Variants in DHX38 observed in about 807,000 individuals in gnomAD.
The protein encoded by DHX38 is pre-mRNA-splicing factor ATP-dependent RNA helicase PRP16.
In DHX38, 100 loss-of-function variants were observed where a neutral mutation model predicts 153.1. That is an observed-to-expected ratio of 0.65 (90% confidence interval 0.56 to 0.77). DHX38 has a LOEUF of 0.77. Ranked by LOEUF, DHX38 falls within the 30% of genes least tolerant of loss-of-function variation. DHX38 has a pLI of 0.00. For synonymous variants in DHX38, 650 were observed against 631.7 expected, an observed-to-expected ratio of 1.03 and a Z score of -0.43; for missense variants, 1,440 against 1,654.0, an observed-to-expected ratio of 0.87 and a Z score of 2.24.
chr16:72,103,814 T>A, intron 13 of DHX38, 26 bp downstream of exon 13: 1 of 1,603,184 alleles, frequency 6.2e-7, no homozygotes, highest in Middle Eastern at 1.7e-4. Context: ...GGCTGAGCCA[T>A]GTAGTTATTC....
rs200666031 is a variant in DHX38, at chr16:72,097,799, G to A, written c.616+18G>A. The A allele has an allele frequency of 1.2e-4, 198 of 1,607,386 alleles. 1 individual carries two copies. The African/African-American group carries it at 2.0e-3, about 16-fold the overall frequency. ...ACCTAAAGGTAGACTCACTGTTTTGGTGGCTTGTGAGGATTCAAGTGTATA... is the reference window on the plus strand; with the variant it reads ...ACCTAAAGGTAGACTCACTGTTTTGATGGCTTGTGAGGATTCAAGTGTATA... On this transcript the variant is annotated intron_variant, in intron 4 of 26. Transcript: ENST00000268482.
rs765739201 is a variant in DHX38 at position 72,107,685 on chromosome 16, G to A, written c.2850G>A (p.Pro950=). 3.3e-5 allele frequency: 53 copies of A among 1,613,996 alleles called. No individual in the cohort carries two copies. Among genetic ancestry groups the A allele is most frequent in the Non-Finnish European group, 4.2e-5 (49 of 1,180,044 alleles). Reference sequence around the variant, plus strand: ...CCGGGCGGCTGATGGTGGAGTTCCCGCTGGACCCTGCCCTGTCCAAGATGC... The same window carrying A: ...CCGGGCGGCTGATGGTGGAGTTCCCACTGGACCCTGCCCTGTCCAAGATGC... ...TSTGRLMVEF[P]LDPALSKMLI... is the part of the protein sequence containing the mutation. The change falls in exon 21 of 27, where the codon CCG becomes CCA. Residue 950 remains proline, a synonymous_variant. Transcript: ENST00000268482. This position sits in a 1 kb window ranked among gnomAD's most constrained non-coding sequence, Gnocchi z 5.3.
chr16:72,107,383 A>G lies in DHX38; in HGVS notation c.2644A>G (p.Thr882Ala). 1 of 1,613,430 alleles carries G rather than the reference A, an allele frequency of 6.2e-7. No individual in the cohort carries two copies. The highest frequency in any genetic ancestry group is 8.5e-7 in the Non-Finnish European group (1 of 1,180,014). ...CTACAAGAATGAGCTCCTGACCACC[A>G]CAGTGCCCGAGATCCAGAGGACTAA... ...SAYKNELLTT[T>A]VPEIQRTNLA... Residue 882 changes from threonine (T) to alanine (A), a missense_variant, in exon 20 of 27, where the codon ACA becomes GCA. Thr to Ala is a moderately conservative substitution (Grantham distance 58). This residue lies in a region of DHX38 where 543 missense variants were observed against 717.9 expected (regional missense o/e 0.76). Transcript: ENST00000268482. The surrounding 1 kb of genome is among the most constrained non-coding windows in gnomAD (Gnocchi z 5.3).
chr16:72,099,639 ACTT>A, intron 7 of DHX38, 90 bp from the exon 8 acceptor site: 1 of 1,520,022 alleles, frequency 6.6e-7, no homozygotes, highest in Non-Finnish European at 8.9e-7. Flanking sequence ...TGCAGTAGTG[ACTT>A]CCTACCAAGC....
chr16:72,108,732 G>A (rs1469920405), intron 23 of DHX38, 68 bp from the exon 24 acceptor site: 1 of 1,597,834 alleles, frequency 6.3e-7, no homozygotes, highest in Non-Finnish European at 8.5e-7. Flanking sequence ...AGAGTGTTAA[G>A]GGATGGGGTC....
intron 24 of DHX38, 146 bp downstream of exon 24, chr16:72,109,071 C>T (rs1255465129): frequency 7.8e-7 from 1 of 1,276,714 alleles, no homozygotes; most frequent in Non-Finnish European, 1.1e-6. Flanking sequence ...GGTTGGTTTT[C>T]ATTTGGGGAC....
Position 72,110,958 on chromosome 16 carries a change from G to T in DHX38, c.3480G>T (p.Glu1160Asp). Residue 1160 changes from glutamate to aspartate, a missense_variant and splice_region_variant, in exon 26 of 27, where the codon GAG becomes GAT. Physicochemically the swap from Glu to Asp is conservative, Grantham distance 45 (BLOSUM62 2). Coordinates refer to ENST00000268482, the MANE Select transcript of DHX38 (RefSeq NM_014003.4). ...CCAGGTCTGTCCCTCTTCAATAGGA[G>T]AACCGTCGTCGGGCCAAAGAGGAAG... ...SVKQAGKSRQ[E>D]NRRRAKEEAS... The T allele has an allele frequency of 6.3e-7, 1 of 1,587,400 alleles. No individual in the cohort carries two copies. The highest frequency in any genetic ancestry group is 8.6e-7 in the Non-Finnish European group (1 of 1,166,512).
At position 72,104,818 on chromosome 16, in the gene DHX38, T is replaced by G. The variant is rs560422660; in HGVS notation, c.2151+192T>G. On this transcript the variant is annotated intron_variant, in intron 15 of 26. Transcript: ENST00000268482. The surrounding 1 kb of genome is among the most constrained non-coding windows in gnomAD (Gnocchi z 4.5). ...ACTCTGCTCTGGGTGAGGTTTTGTT[T>G]CATTATTTCTTTGAGGCTGAAGTAC... Among the ~76,000 whole-genome samples, 52 of 152,132 alleles carry G rather than the reference T, an allele frequency of 3.4e-4. No homozygotes were observed. The highest frequency in any genetic ancestry group is 6.8e-4 in the Non-Finnish European group (46 of 68,022).
Position 72,107,640 on chromosome 16 carries a change from C to G in DHX38, c.2810-5C>G. The G allele has an allele frequency of 6.2e-7, 1 of 1,614,114 alleles. No individual in the cohort carries two copies. On this transcript the variant is annotated splice_polypyrimidine_tract_variant and splice_region_variant and intron_variant, in intron 20 of 26. Transcript: ENST00000268482. The surrounding 1 kb of genome is among the most constrained non-coding windows in gnomAD (Gnocchi z 5.3). The stretch of plus-strand genomic sequence containing the variant: ...CAAATATCCGGGTTTGCTCATCTCT[C>G]CTAGGTGGTCTGACCTCTACCGGGC...
chr16:72,100,522 C>T lies in DHX38; in HGVS notation c.1203C>T (p.Asn401=), dbSNP rs754552717. ...TGGATGAGGACTTTGAAGAGGACAA[C>T]GCGGCCAAGGTGCATCTGATGGTGC... ...LEVDEDFEED[N]AAKVHLMVHN... The change falls in exon 9 of 27, where the codon AAC becomes AAT. Residue 401 remains asparagine (N), a synonymous_variant. Coordinates refer to ENST00000268482, the MANE Select transcript of DHX38 (RefSeq NM_014003.4). The T allele has an allele frequency of 2.1e-5, 34 of 1,614,028 alleles. No individual in the cohort carries two copies. The highest frequency in any genetic ancestry group is 1.6e-4 in the Middle Eastern group (1 of 6,084).
intron 1 of DHX38, among the ~76,000 whole-genome samples, chr16:72,095,373 G>A (rs960791581): frequency 2.0e-5 from 3 of 152,126 alleles, no homozygotes; most frequent in Non-Finnish European, 4.4e-5. Context: ...TCTGTAAAAC[G>A]CAGCTAGGCC....
rs201741501 is a variant in DHX38 at position 72,108,350 on chromosome 16, G to A, written c.3088G>A (p.Asp1030Asn). The A allele has an allele frequency of 2.1e-5, 34 of 1,614,056 alleles. No homozygotes were observed. Among genetic ancestry groups the A allele is most frequent in the Non-Finnish European group, 2.8e-5 (33 of 1,180,048 alleles). The stretch of plus-strand genomic sequence containing the variant: ...TAATTACTCCACCATCTGGTGTAAC[G>A]ATCATTTCATCCATGCTAAGGCCAT... ...NNNYSTIWCN[D>N]HFIHAKAMRK... Residue 1030 changes from aspartate (D) to asparagine (N), a missense_variant, in exon 22 of 27, where the codon GAT becomes AAT. Asp to Asn is a conservative substitution (Grantham distance 23). Coordinates refer to ENST00000268482, the MANE Select transcript of DHX38 (RefSeq NM_014003.4).
Position 72,096,210 on chromosome 16 carries a change from T to C in DHX38, c.53T>C (p.Leu18Pro). 1.9e-6 allele frequency: 3 copies of C among 1,614,044 alleles called. No homozygotes were observed. Among genetic ancestry groups the C allele is most frequent in the Non-Finnish European group, 2.5e-6 (3 of 1,179,920 alleles). ...ATCCATCGATTGGAAGGCACTGATCTGGACTGTCAGGTTGGTGGTCTTATT... is the reference window on the plus strand; with the variant it reads ...ATCCATCGATTGGAAGGCACTGATCCGGACTGTCAGGTTGGTGGTCTTATT... ...ASIHRLEGTD[L>P]DCQVGGLICK... Residue 18 changes from leucine (L) to proline (P), a missense_variant, in exon 2 of 27, where the codon CTG becomes CCG. Transcript: ENST00000268482.
chr16:72,099,477 T>C (rs2042068392), intron 7 of DHX38, among the ~76,000 whole-genome samples, 197 bp downstream of exon 7: 1 of 152,094 alleles, frequency 6.6e-6, no homozygotes, highest in Non-Finnish European at 1.5e-5. Context: ...AACTGTTCTG[T>C]TATGTGTTGG....
rs765366544 is a variant in DHX38, at chr16:72,104,594, C to T, written c.2119C>T (p.Arg707Cys). The T allele has an allele frequency of 1.6e-5, 26 of 1,614,026 alleles. No homozygotes were observed. The highest frequency in any genetic ancestry group is 2.0e-5 in the Non-Finnish European group (24 of 1,180,036). The change falls in exon 15 of 27, where the codon CGT (arginine) becomes TGT (cysteine). Residue 707 changes from arginine to cysteine, a missense_variant. By Grantham distance (180) the Arg-to-Cys change is radical. This residue lies in a region of DHX38 where 543 missense variants were observed against 717.9 expected (regional missense o/e 0.76). Transcript: ENST00000268482. The surrounding 1 kb of genome is among the most constrained non-coding windows in gnomAD (Gnocchi z 4.5). ...GNVPIFHIPG[R>C]TFPVDILFSK... is the part of the protein sequence containing the mutation. ...TGTCCCCATCTTCCACATCCCTGGC[C>T]GTACCTTCCCTGTTGACATCCTCTT... is the stretch of plus-strand genomic sequence containing the variant.
chr16:72,096,208 T>G lies in DHX38; in HGVS notation c.51T>G (p.Asp17Glu), dbSNP rs995615242. 2.5e-6 allele frequency: 4 copies of G among 1,613,968 alleles called. No homozygotes were observed. Among genetic ancestry groups the G allele is most frequent in the Non-Finnish European group, 3.4e-6 (4 of 1,179,904 alleles). Residue 17 changes from aspartate to glutamate, a missense_variant, in exon 2 of 27, where the codon GAT becomes GAG. Physicochemically the swap from Asp to Glu is conservative, Grantham distance 45. This residue lies in a region of DHX38 where 483 missense variants were observed against 465.1 expected (regional missense o/e 1.04). Coordinates refer to ENST00000268482, the MANE Select transcript of DHX38 (RefSeq NM_014003.4). ...DASIHRLEGT[D>E]LDCQVGGLIC... ...CGATCCATCGATTGGAAGGCACTGATCTGGACTGTCAGGTTGGTGGTCTTA... is the reference window on the plus strand; with the variant it reads ...CGATCCATCGATTGGAAGGCACTGAGCTGGACTGTCAGGTTGGTGGTCTTA...
chr16:72,099,987 CCT>C (rs1301860213), intron 8 of DHX38, 100 bp downstream of exon 8: 9 of 1,462,302 alleles, frequency 6.2e-6, no homozygotes, highest in African/African-American at 5.6e-5. Context: ...CAGCTTGTCC[CCT>C]GATTGCCGAG....
chr16:72,095,894 G>GGTGTGT lies in DHX38; in HGVS notation c.-19-222_-19-217dup, dbSNP rs67109934. Among the ~76,000 whole-genome samples the GGTGTGT allele has an allele frequency of 3.4e-3, 501 of 147,250 alleles. 3 individuals carry two copies. Among genetic ancestry groups the GGTGTGT allele is most frequent in the African/African-American group, 0.01 (408 of 39,816 alleles). On this transcript the variant is annotated intron_variant, in intron 1 of 26. Coordinates refer to ENST00000268482, the MANE Select transcript of DHX38 (RefSeq NM_014003.4). ...GTGGGGGCTGGGGAGGAATGTATGG[G>GGTGTGT]GTGTGTGTGTGTGTGTGTGTGTGTG...
chr16:72,112,195 G>A (rs1362989839), intron 26 of DHX38: 15 of 591,332 alleles, frequency 2.5e-5, no homozygotes, highest in East Asian at 1.4e-4. Flanking sequence ...GTTAAAATCC[G>A]ATCTAAAGCA....
Sources: gnomAD v4.1 joint callset for allele counts (sites outside exome capture counted in the v4.1 genomes callset) on GRCh38, gnomAD v4.1.1 for gene constraint, gnomAD v4.1.1 regional missense constraint, Gnocchi (gnomAD v3.1) non-coding constraint, MANE v1.5 for transcripts, NCBI Gene and HGNC (gene_info 2026-07-23, HGNC 2026-07-21) for gene names.